The following ALPK2 variants were observed in gnomAD, a reference collection of about 807,000 sequenced individuals.
The protein encoded by ALPK2 is alpha kinase 2.
A neutral mutation model predicts 163.1 loss-of-function variants in ALPK2; 127 were observed. The observed-to-expected ratio is 0.78, with a 90% CI of 0.67 to 0.90. ALPK2 has a LOEUF of 0.90. Among genes scored for constraint, ALPK2 ranks in the 40% least tolerant of loss-of-function variants. The probability of loss-of-function intolerance (pLI) is 0.00; values close to 1 mark genes in which losing one functional copy is unlikely to be tolerated. For missense variants in ALPK2, 2,360 were observed against 2,589.6 expected (o/e 0.91, Z 1.92); for synonymous variants, 953 against 959.1 (o/e 0.99, Z 0.12).
intron 4 of ALPK2, among the ~76,000 whole-genome samples, chr18:58,548,887 A>C (rs1280677007): frequency 1.3e-5 from 2 of 152,126 alleles, no homozygotes; most frequent in Admixed American, 1.3e-4. Flanking sequence ...TCCCTTTGCC[A>C]ACATATGTAG....
chr18:58,572,678 G>A (rs905722247), intron 4 of ALPK2, among the ~76,000 whole-genome samples: 3 of 152,192 alleles, frequency 2.0e-5, no homozygotes, highest in Non-Finnish European at 4.4e-5. Flanking sequence ...TTTAGAATTG[G>A]AGGACAAAGT....
At chr18:58,493,555 T>G (rs2051385949) in intron 12 of ALPK2, among the ~76,000 whole-genome samples, 1 of 152,144 alleles carries the variant, frequency 6.6e-6, no homozygotes, top group South Asian at 2.1e-4. Flanking sequence ...GAACTCAGCT[T>G]GGCCGAGTGT....
At chr18:58,569,687 C>G (rs2051875237) in intron 4 of ALPK2, among the ~76,000 whole-genome samples, 1 of 152,164 alleles carries the variant, frequency 6.6e-6, no homozygotes. Context: ...ACTGCAGGTC[C>G]AGGACAGTTA....
In ALPK2 at chr18:58,582,745, G is replaced by A. The variant is rs143500383; in HGVS notation, c.228-2197C>T. Reference sequence around the variant, plus strand: ...TTACAGGCAAAGCATAAATCAATACGTATAAGGTGTACGTTGATTCAGCCC... The same window carrying A: ...TTACAGGCAAAGCATAAATCAATACATATAAGGTGTACGTTGATTCAGCCC... On this transcript the variant is annotated intron_variant, in intron 3 of 12. Transcript: ENST00000361673. Among the ~76,000 whole-genome samples, 59 of 152,132 alleles carry A rather than the reference G, an allele frequency of 3.9e-4. No homozygotes were observed. The East Asian group carries it at 8.3e-3, about 21-fold the overall frequency.
rs577265447 is a variant in ALPK2, at chr18:58,572,260, C to T, written c.1962+6554G>A. On this transcript the variant is annotated intron_variant, in intron 4 of 12. Transcript: ENST00000361673. ...ATAATGACAATACCAAATGCTGGTG[C>T]AGATGTGGCGTAACTGGGCCCTCAT... 2.0e-5 allele frequency among the ~76,000 whole-genome samples: 3 copies of T among 152,242 alleles called. No individual in the cohort carries two copies. In the South Asian group the frequency reaches 6.2e-4, roughly 32 times the overall value.
intron 4 of ALPK2, among the ~76,000 whole-genome samples, chr18:58,538,865 C>T (rs958868855): frequency 6.6e-6 from 1 of 152,024 alleles, no homozygotes; most frequent in Non-Finnish European, 1.5e-5. Flanking sequence ...ATTACTTCCT[C>T]GTTGTTAAAA....
intron 3 of ALPK2, among the ~76,000 whole-genome samples, chr18:58,592,693 C>T (rs1602232213): frequency 6.6e-6 from 1 of 152,156 alleles, no homozygotes; most frequent in African/African-American, 2.4e-5. Context: ...TACTTTTCTT[C>T]TTCACCCGAG....
intron 10 of ALPK2, among the ~76,000 whole-genome samples, chr18:58,508,492 C>T (rs1260546146): frequency 6.6e-6 from 1 of 152,202 alleles, no homozygotes; most frequent in African/African-American, 2.4e-5. Context: ...AAAGACCTTG[C>T]TGATAAAACA....
At chr18:58,577,621 T>A (rs963135554) in intron 4 of ALPK2, among the ~76,000 whole-genome samples, 2 of 152,260 alleles carry the variant, frequency 1.3e-5, no homozygotes, top group African/African-American at 4.8e-5. Context: ...ATGTGTTAAA[T>A]AACTGGATAG....
chr18:58,626,328 A>G (rs562728813), intron 1 of ALPK2, among the ~76,000 whole-genome samples: 1 of 152,148 alleles, frequency 6.6e-6, no homozygotes, highest in South Asian at 2.1e-4. Flanking sequence ...ACCCCGCGCA[A>G]TTCTAGCCCA....
At position 58,481,772 on chromosome 18, in the gene ALPK2, C is replaced by T; in HGVS notation, c.*51G>A. ...TCTCCTGTGTGGCCTCAGATTTTCCCTGGCGAGATTGTGTGCTGCTAGCCA... is the reference window on the plus strand; with the variant it reads ...TCTCCTGTGTGGCCTCAGATTTTCCTTGGCGAGATTGTGTGCTGCTAGCCA... On this transcript the variant is annotated 3_prime_UTR_variant, in exon 13 of 13. Coordinates refer to ENST00000361673, the MANE Select transcript of ALPK2 (RefSeq NM_052947.4). 8.8e-6 allele frequency: 13 copies of T among 1,476,318 alleles called. No homozygotes were observed. Among genetic ancestry groups the T allele is most frequent in the Non-Finnish European group, 1.2e-5 (13 of 1,058,944 alleles). The allele number at this position is 1,476,318 out of a possible 1,614,324, so 91.5% of individuals were successfully genotyped here. A position where few individuals can be genotyped will look rare whatever the true frequency, so the allele number is the denominator to read the frequency against.
At chr18:58,557,642 G>A (rs902674473) in intron 4 of ALPK2, among the ~76,000 whole-genome samples, 1 of 146,674 alleles carries the variant, frequency 6.8e-6, no homozygotes, top group Non-Finnish European at 1.5e-5. Flanking sequence ...ACTATAGTGT[G>A]TGTGTATATA....
rs112871946 is a variant in ALPK2, at chr18:58,561,154, C to T, written c.1962+17660G>A. Among the ~76,000 whole-genome samples the T allele has an allele frequency of 5.5e-3, 843 of 152,260 alleles. 9 individuals are homozygous for T. Among genetic ancestry groups the T allele is most frequent in the African/African-American group, 0.018 (766 of 41,532 alleles). ...CCCAAGAAAGCTCAGCAGTGACCCA[C>T]AAGGAATATAAAATCTAGCAGGGGA... On this transcript the variant is annotated intron_variant, in intron 4 of 12. Coordinates refer to ENST00000361673, the MANE Select transcript of ALPK2 (RefSeq NM_052947.4).
At chr18:58,624,975 G>C (rs2052221949) in intron 1 of ALPK2, among the ~76,000 whole-genome samples, 1 of 152,232 alleles carries the variant, frequency 6.6e-6, no homozygotes, top group African/African-American at 2.4e-5. Context: ...GGGAGGAGAA[G>C]TGTGAAAAGC....
At chr18:58,485,789 G>C (rs570056221) in intron 12 of ALPK2, among the ~76,000 whole-genome samples, 9 of 152,286 alleles carry the variant, frequency 5.9e-5, no homozygotes, top group Admixed American at 1.3e-4. Context: ...CTGCCACTGG[G>C]GGGGGACCCC....
intron 12 of ALPK2, among the ~76,000 whole-genome samples, chr18:58,496,392 C>A (rs1019256165): frequency 6.6e-6 from 1 of 152,212 alleles, no homozygotes; most frequent in African/African-American, 2.4e-5. Context: ...AGCCTGGAGA[C>A]AGTTCCAACA....
rs766732143 is a variant in ALPK2 at position 58,536,637 on chromosome 18, C to T, written c.3550G>A (p.Gly1184Arg). ...HSPASSREGA[G>R]QRSGWGTRVS... ...CTCGTCCCCCAACCTGAGCGCTGCCCTGCTCCTTCCCTAGAGCTTGCGGGT... is the reference window on the plus strand; with the variant it reads ...CTCGTCCCCCAACCTGAGCGCTGCCTTGCTCCTTCCCTAGAGCTTGCGGGT... The change falls in exon 5 of 13, where the codon GGG becomes AGG. Residue 1184 changes from glycine (G) to arginine (R), a missense_variant. Gly to Arg is a moderately radical substitution (Grantham distance 125). Transcript: ENST00000361673. 1 of 1,614,212 alleles carries T rather than the reference C, an allele frequency of 6.2e-7. No homozygotes were observed. Among genetic ancestry groups the T allele is most frequent in the South Asian group, 1.1e-5 (1 of 91,082 alleles).
chr18:58,574,707 T>A (rs937154209), intron 4 of ALPK2, among the ~76,000 whole-genome samples: 1 of 151,880 alleles, frequency 6.6e-6, no homozygotes, highest in Non-Finnish European at 1.5e-5. Flanking sequence ...TGTGGAAAAA[T>A]TGTCTTCCGC....
At chr18:58,576,366 C>G (rs966664413) in intron 4 of ALPK2, among the ~76,000 whole-genome samples, 1 of 152,174 alleles carries the variant, frequency 6.6e-6, no homozygotes, top group Non-Finnish European at 1.5e-5. Flanking sequence ...TAGCAAGACT[C>G]TGTCTCAAAA....
Sources: allele counts gnomAD v4.1 joint callset (sites outside exome capture counted in the v4.1 genomes callset), GRCh38; gene constraint gnomAD v4.1.1; transcripts MANE v1.5; gene names NCBI Gene and HGNC (gene_info 2026-07-23, HGNC 2026-07-21).